WASHC5: variants seen among roughly 807,000 people sequenced by gnomAD.
WASHC5 encodes the protein WASH complex subunit 5, also known as WASH complex subunit strumpellin.
Under a neutral mutation model 150.4 loss-of-function variants are expected in WASHC5, and 101 were observed. That is an observed-to-expected ratio of 0.67 (90% confidence interval 0.57 to 0.79). The LOEUF (loss-of-function observed/expected upper bound fraction) is 0.79, where lower values mean the gene tolerates loss of function less well. Ranked by LOEUF, WASHC5 falls within the 30% of genes least tolerant of loss-of-function variation. WASHC5 has a pLI of 0.00. For synonymous variants in WASHC5, 467 were observed against 491.2 expected, an observed-to-expected ratio of 0.95 and a Z score of 0.65; for missense variants, 1,195 against 1,396.3, an observed-to-expected ratio of 0.86 and a Z score of 2.30.
At chr8:125,033,333 T>C (rs1815595833) in intron 26 of WASHC5, among the ~76,000 whole-genome samples, 1 of 152,030 alleles carries the variant, frequency 6.6e-6, no homozygotes, top group Non-Finnish European at 1.5e-5. Context: ...AATTGAATAG[T>C]CACAAATATA....
At chr8:125,063,722 T>C (rs1199213366) in intron 10 of WASHC5, 71 bp from the exon 11 acceptor site, 3 of 1,406,828 alleles carry the variant, frequency 2.1e-6, no homozygotes, top group Non-Finnish European at 3.0e-6. Context: ...TGAAGAGAGC[T>C]TGAGGAAACC....
chr8:125,070,357 G>A (rs1355415547), intron 9 of WASHC5, among the ~76,000 whole-genome samples: 1 of 152,220 alleles, frequency 6.6e-6, no homozygotes, highest in Non-Finnish European at 1.5e-5. Flanking sequence ...TGTGCAATCA[G>A]GTCAGACAAT....
intron 28 of WASHC5, among the ~76,000 whole-genome samples, chr8:125,025,796 G>T (rs1815362964): frequency 6.7e-6 from 1 of 148,550 alleles, no homozygotes; most frequent in East Asian, 1.9e-4. Flanking sequence ...GGCAACTTTT[G>T]TAATGAATTT....
chr8:125,049,140 C>T lies in WASHC5; in HGVS notation c.2245G>A (p.Asp749Asn). 6.2e-7 allele frequency: 1 copy of T among 1,614,054 alleles called. No homozygotes were observed. Among genetic ancestry groups the T allele is most frequent in the Non-Finnish European group, 8.5e-7 (1 of 1,180,012 alleles). The change falls in exon 19 of 29, where the codon GAT (aspartate) becomes AAT (asparagine). Residue 749 changes from aspartate to asparagine, a missense_variant. Asp to Asn is a conservative substitution (Grantham distance 23, BLOSUM62 1). This residue lies in a region of WASHC5 where 997 missense variants were observed against 1,168.1 expected (regional missense o/e 0.85). Transcript: ENST00000318410. ...TATTCAAAAGAACGATGGAATCCAT[C>T]CATGGTCGCTCCCAACTCTTTCAGC... is the stretch of plus-strand genomic sequence containing the variant. ...PKLKELGATMDGFHRSFEYIQ... is the reference protein window; with the variant it reads ...PKLKELGATMNGFHRSFEYIQ...
At chr8:125,054,918 T>G (rs1178602505) in intron 17 of WASHC5, among the ~76,000 whole-genome samples, 3 of 151,170 alleles carry the variant, frequency 2.0e-5, no homozygotes, top group Non-Finnish European at 4.4e-5. Context: ...GAGAGAAGAA[T>G]AAAGCAATTT....
At chr8:125,028,242 T>G (rs144285223) in intron 28 of WASHC5, among the ~76,000 whole-genome samples, 6 of 152,352 alleles carry the variant, frequency 3.9e-5, no homozygotes, top group Admixed American at 1.3e-4. Flanking sequence ...GGCATGAACT[T>G]AACTGTGCTT....
intron 9 of WASHC5, among the ~76,000 whole-genome samples, chr8:125,068,370 G>A (rs1278237101): frequency 1.3e-5 from 2 of 152,172 alleles, no homozygotes; most frequent in African/African-American, 4.8e-5. Flanking sequence ...TGAGTCTAAT[G>A]AGCCTTCCTG....
At chr8:125,028,553 T>C (rs1354951734) in intron 28 of WASHC5, 67 bp downstream of exon 28, 8 of 1,180,778 alleles carry the variant, frequency 6.8e-6, no homozygotes, top group African/African-American at 6.0e-5. Flanking sequence ...TCCTGATGAA[T>C]CCAGGGCCAC....
At chr8:125,033,572 C>T (rs1374281187) in intron 26 of WASHC5, among the ~76,000 whole-genome samples, 19 of 147,584 alleles carry the variant, frequency 1.3e-4, no homozygotes, top group South Asian at 6.4e-4. Flanking sequence ...TTTTTTGAGA[C>T]GGAGCTCACT....
At chr8:125,032,161 T>C in intron 27 of WASHC5, 80 bp downstream of exon 27, 1 of 1,484,360 alleles carries the variant, frequency 6.7e-7, no homozygotes. Context: ...ATTAGGGCGA[T>C]AAGAGGAATT....
intron 10 of WASHC5, 35 bp from the exon 11 acceptor site, chr8:125,063,686 G>T: frequency 6.2e-7 from 1 of 1,607,116 alleles, no homozygotes; most frequent in South Asian, 1.1e-5. Context: ...ATTTACTTAA[G>T]AGAAAAATCC....
intron 20 of WASHC5, 114 bp downstream of exon 20, chr8:125,047,093 G>A (rs1816090143): frequency 2.4e-6 from 3 of 1,274,822 alleles, no homozygotes; most frequent in South Asian, 1.2e-5. Context: ...GTCAGAATAT[G>A]AGTTGACAAG....
chr8:125,076,329 A>G lies in WASHC5; in HGVS notation c.864+19T>C, dbSNP rs1817058940. 1 of 1,613,052 alleles carries G rather than the reference A, an allele frequency of 6.2e-7. No individual in the cohort carries two copies. Among genetic ancestry groups the G allele is most frequent in the East Asian group, 2.2e-5 (1 of 44,860 alleles). On this transcript the variant is annotated intron_variant, in intron 7 of 28. Coordinates refer to ENST00000318410, the MANE Select transcript of WASHC5 (RefSeq NM_014846.4). ...CTCTAACACATTTACTGTAGAGGAA[A>G]AAAATTAGCAATACTTGCCCAATTA...
intron 17 of WASHC5, among the ~76,000 whole-genome samples, chr8:125,053,478 C>G (rs1217200405): frequency 6.6e-6 from 1 of 152,108 alleles, no homozygotes; most frequent in African/African-American, 2.4e-5. Context: ...TTACAGTGGT[C>G]ACTTTGCAGT....
chr8:125,044,832 A>G, intron 20 of WASHC5, 134 bp from the exon 21 acceptor site: 1 of 927,330 alleles, frequency 1.1e-6, no homozygotes, highest in Non-Finnish European at 1.7e-6. Context: ...TAACCTCTGT[A>G]TTCAGGCACC....
At chr8:125,059,689 G>A in intron 12 of WASHC5, 147 bp from the exon 13 acceptor site, 1 of 658,602 alleles carries the variant, frequency 1.5e-6, no homozygotes, top group Non-Finnish European at 2.6e-6. Flanking sequence ...TCAGAAACGT[G>A]AGCCAAGCTA....
At position 125,059,370 on chromosome 8, in the gene WASHC5, C is replaced by T; in HGVS notation, c.1688+6G>A. On this transcript the variant is annotated splice_donor_region_variant and intron_variant, in intron 13 of 28. Transcript: ENST00000318410. ...TCTACAGCAAATGTCAGGCTGCCTA[C>T]ATTACCTGTCAATCAACTGCCAAGC... 6.2e-7 allele frequency: 1 copy of T among 1,614,134 alleles called. No individual in the cohort carries two copies. The highest frequency in any genetic ancestry group is 1.1e-5 in the South Asian group (1 of 91,082).
At chr8:125,057,963 C>CT (rs1205585194) in intron 14 of WASHC5, among the ~76,000 whole-genome samples, 1 of 152,040 alleles carries the variant, frequency 6.6e-6, no homozygotes, top group African/African-American at 2.4e-5. Context: ...GCCCAGCAAT[C>CT]TGTGTTACAA....
chr8:125,028,648 T>C lies in WASHC5; in HGVS notation c.3395A>G (p.Tyr1132Cys), dbSNP rs1456584311. The stretch of plus-strand genomic sequence containing the variant: ...CCTGGGTAGCTTTGTGTACCGAACA[T>C]AATCCTCCAGGAACAGAAGGGCACC... ...VVGALLFLED[Y>C]VRYTKLPRRV... Residue 1132 changes from tyrosine (Y) to cysteine (C), a missense_variant, in exon 28 of 29, where the codon TAT (tyrosine) becomes TGT (cysteine). Tyr to Cys is a radical substitution (Grantham distance 194). Coordinates refer to ENST00000318410, the MANE Select transcript of WASHC5 (RefSeq NM_014846.4). 2 of 1,613,528 alleles carry C rather than the reference T, an allele frequency of 1.2e-6. No individual in the cohort carries two copies. Among genetic ancestry groups the C allele is most frequent in the Non-Finnish European group, 1.7e-6 (2 of 1,179,564 alleles).
Sources: gnomAD v4.1 joint callset for allele counts (sites outside exome capture counted in the v4.1 genomes callset) on GRCh38, gnomAD v4.1.1 for gene constraint, gnomAD v4.1.1 regional missense constraint, MANE v1.5 for transcripts, NCBI Gene and HGNC (gene_info 2026-07-23, HGNC 2026-07-21) for gene names.